Variants in COL4A6 observed in about 807,000 individuals in gnomAD.
COL4A6 encodes the protein collagen alpha-6(IV) chain.
A neutral mutation model predicts 126.7 loss-of-function variants in COL4A6; 59 were observed. The ratio of observed to expected loss-of-function variants is 0.47; its 90% CI spans 0.38 to 0.58. The LOEUF (loss-of-function observed/expected upper bound fraction) is 0.58, where lower values mean the gene tolerates loss of function less well. COL4A6 is among the 20% of genes least tolerant of loss of function. The pLI is 0.00. For synonymous variants in COL4A6, 547 were observed against 496.6 expected (o/e 1.10, Z -1.35); for missense variants, 1,285 against 1,337.3 (o/e 0.96, Z 0.61).
intron 2 of COL4A6, among the ~76,000 whole-genome samples, chrX:108,362,398 A>T (rs2040107912): frequency 8.9e-6 from 1 of 111,851 alleles, no homozygotes; most frequent in African/African-American, 3.3e-5. Flanking sequence ...TATAAACTGG[A>T]TCACAGGCAT....
intron 3 of COL4A6, among the ~76,000 whole-genome samples, chrX:108,252,947 C>T (rs950305697): frequency 9.0e-6 from 1 of 111,551 alleles, no homozygotes; most frequent in Non-Finnish European, 1.9e-5. Flanking sequence ...TGATAACATC[C>T]ATTCATAAAA....
intron 3 of COL4A6, among the ~76,000 whole-genome samples, chrX:108,272,284 G>A (rs747755761): frequency 2.7e-5 from 3 of 111,323 alleles, no homozygotes; most frequent in South Asian, 3.8e-4. Flanking sequence ...AAATCAGTTC[G>A]TTCTCATTCT....
intron 2 of COL4A6, among the ~76,000 whole-genome samples, chrX:108,414,030 TATG>T (rs1242079336): frequency 2.7e-5 from 3 of 112,146 alleles, no homozygotes; most frequent in African/African-American, 9.7e-5. Flanking sequence ...AAATGCAGTG[TATG>T]ATGATTTTTA....
chrX:108,310,399 A>C (rs1280779048), intron 3 of COL4A6, among the ~76,000 whole-genome samples: 3 of 112,132 alleles, frequency 2.7e-5, no homozygotes, highest in Non-Finnish European at 5.6e-5. Flanking sequence ...CCTGTTCCCC[A>C]GACTGGGAGG....
At chrX:108,325,367 G>A (rs1275790149) in intron 2 of COL4A6, among the ~76,000 whole-genome samples, 1 of 111,473 alleles carries the variant, frequency 9.0e-6, no homozygotes, top group Admixed American at 9.5e-5. Flanking sequence ...TTTATCTTTG[G>A]TGATTCCCGT....
In COL4A6 at chrX:108,432,317, A is replaced by C. The variant is rs779331239; in HGVS notation, c.63+5625T>G. On this transcript the variant is annotated intron_variant, in intron 2 of 44. Transcript: ENST00000334504. ...TATGTATGTTATTATTGTCTATTTT[A>C]TTATGTAAAGTGACCTTTGGAATGT... Among the ~76,000 whole-genome samples, 5 of 112,371 alleles carry C rather than the reference A, an allele frequency of 4.4e-5. No individual in the cohort carries two copies. In the East Asian group the frequency reaches 8.3e-4, roughly 19 times the overall value.
chrX:108,295,220 A>T (rs749417893), intron 3 of COL4A6, among the ~76,000 whole-genome samples: 6 of 112,209 alleles, frequency 5.3e-5, no homozygotes, highest in African/African-American at 1.9e-4. Flanking sequence ...CTCATTTGGC[A>T]TCTACAGGAG....
At chrX:108,311,058 C>T (rs1403522435) in intron 2 of COL4A6, among the ~76,000 whole-genome samples, 1 of 112,070 alleles carries the variant, frequency 8.9e-6, no homozygotes, top group Non-Finnish European at 1.9e-5. Context: ...GCTTTAGACA[C>T]CTCCTCACTG....
intron 27 of COL4A6, among the ~76,000 whole-genome samples, chrX:108,177,975 G>A (rs1213826413): frequency 8.9e-6 from 1 of 112,159 alleles, no homozygotes; most frequent in Non-Finnish European, 1.9e-5. Context: ...GGGGGTGTTA[G>A]TCTGTGAGCT....
intron 23 of COL4A6, among the ~76,000 whole-genome samples, chrX:108,183,067 T>TA (rs1204568361): frequency 1.8e-5 from 2 of 112,344 alleles, no homozygotes; most frequent in African/African-American, 6.5e-5. Flanking sequence ...ACCACACTTG[T>TA]GTATTGTAAG....
At chrX:108,287,043 G>T (rs2038025450) in intron 3 of COL4A6, among the ~76,000 whole-genome samples, 1 of 111,523 alleles carries the variant, frequency 9.0e-6, no homozygotes, top group African/African-American at 3.3e-5. Flanking sequence ...CTGGGTCCCT[G>T]ATGATCATGG....
chrX:108,411,954 T>C (rs1048537327), intron 2 of COL4A6, among the ~76,000 whole-genome samples: 7 of 111,215 alleles, frequency 6.3e-5, no homozygotes, highest in Middle Eastern at 4.2e-3. Flanking sequence ...ATGGAAACTA[T>C]GCAAGGGAGG....
chrX:108,411,580 C>T (rs112936050), intron 2 of COL4A6, among the ~76,000 whole-genome samples: 1 of 111,709 alleles, frequency 9.0e-6, no homozygotes, highest in African/African-American at 3.3e-5. Context: ...GCCAGAAGTT[C>T]CCCCCTAGTT....
chrX:108,374,276 T>G (rs190888273), intron 2 of COL4A6, among the ~76,000 whole-genome samples: 1 of 112,411 alleles, frequency 8.9e-6, no homozygotes, highest in East Asian at 2.8e-4. Flanking sequence ...CAGTTCATCT[T>G]CAAAGCAGCT....
intron 19 of COL4A6, among the ~76,000 whole-genome samples, chrX:108,191,164 G>C (rs763810316): frequency 2.9e-4 from 32 of 112,130 alleles, no homozygotes; most frequent in African/African-American, 9.7e-4. Context: ...AAGGCATTAG[G>C]CCCTAGTTTG....
intron 23 of COL4A6, chrX:108,183,669 G>A (rs2148130901): frequency 1.3e-6 from 1 of 796,536 alleles, no homozygotes; most frequent in African/African-American, 2.1e-5. Flanking sequence ...ACAAAAAAGG[G>A]GTGTTTAGCT....
At chrX:108,169,768 A>G in intron 36 of COL4A6, 148 bp from the exon 37 acceptor site, 1 of 934,200 alleles carries the variant, frequency 1.1e-6, no homozygotes, top group Middle Eastern at 3.9e-4. Context: ...ATCTGAGTAG[A>G]AGAAAAAAAC....
intron 3 of COL4A6, among the ~76,000 whole-genome samples, chrX:108,242,054 C>T (rs1292776908): frequency 2.8e-5 from 3 of 105,584 alleles, no homozygotes; most frequent in African/African-American, 1.0e-4. Context: ...GTCTCAAACA[C>T]CTGGCCTCAA....
chrX:108,179,987 A>T (rs2034634406), intron 25 of COL4A6, among the ~76,000 whole-genome samples: 1 of 110,515 alleles, frequency 9.0e-6, no homozygotes, highest in Non-Finnish European at 1.9e-5. Context: ...ATTTCCATCA[A>T]GTTCCTAGGT....
Sources: allele counts gnomAD v4.1 joint callset (sites outside exome capture counted in the v4.1 genomes callset), GRCh38; gene constraint gnomAD v4.1.1; transcripts MANE v1.5; gene names NCBI Gene and HGNC (gene_info 2026-07-23, HGNC 2026-07-21).